CSMD3: variants seen among roughly 807,000 people sequenced by gnomAD.
The protein encoded by CSMD3 is CUB and sushi domain-containing protein 3.
In CSMD3, 177 loss-of-function variants were observed where a neutral mutation model predicts 435.2. The ratio of observed to expected loss-of-function variants is 0.41; its 90% CI spans 0.36 to 0.46. The LOEUF (loss-of-function observed/expected upper bound fraction) is 0.46, where lower values mean the gene tolerates loss of function less well. Ranked by LOEUF, CSMD3 falls within the 20% of genes least tolerant of loss-of-function variation. CSMD3 has a pLI of 0.34. For missense variants in CSMD3, 4,265 were observed against 4,504.6 expected (o/e 0.95, Z 1.52); for synonymous variants, 1,656 against 1,520.5 (o/e 1.09, Z -2.07).
intron 5 of CSMD3, among the ~76,000 whole-genome samples, chr8:113,086,067 A>G (rs1213780034): frequency 2.0e-5 from 3 of 151,886 alleles, no homozygotes; most frequent in Non-Finnish European, 2.9e-5. Flanking sequence ...GAAACCCCAT[A>G]TCTACTAAAA....
intron 3 of CSMD3, among the ~76,000 whole-genome samples, chr8:113,277,374 G>A (rs915816112): frequency 5.9e-5 from 9 of 151,868 alleles, no homozygotes; most frequent in African/African-American, 2.2e-4. Context: ...GTATTAGGTA[G>A]AAAATAATGT....
chr8:113,127,846 T>A (rs2091179553), intron 4 of CSMD3, among the ~76,000 whole-genome samples: 1 of 152,122 alleles, frequency 6.6e-6, no homozygotes, highest in Admixed American at 6.6e-5. Context: ...TCCTCCAATA[T>A]TGCCTCACTT....
intron 11 of CSMD3, among the ~76,000 whole-genome samples, chr8:112,846,040 T>C (rs1468862506): frequency 6.6e-6 from 1 of 151,924 alleles, no homozygotes; most frequent in Non-Finnish European, 1.5e-5. Context: ...ATAATATGAC[T>C]CACTCTATAC....
At chr8:112,536,771 A>C in intron 27 of CSMD3, among the ~76,000 whole-genome samples, 1 of 151,062 alleles carries the variant, frequency 6.6e-6, no homozygotes, top group East Asian at 1.9e-4. Flanking sequence ...AACCAACCCA[A>C]ATGTCCATCA....
chr8:112,524,132 G>A (rs1824601414), intron 27 of CSMD3, among the ~76,000 whole-genome samples: 1 of 151,918 alleles, frequency 6.6e-6, no homozygotes, highest in Non-Finnish European at 1.5e-5. Flanking sequence ...GCTCCAGTAT[G>A]CCTACAAAAG....
Position 112,910,360 on chromosome 8 carries a change from G to A in CSMD3, c.1633+11267C>T, listed in dbSNP as rs566944021. ...CATCCAATTTCATCACAGAACTGCTGGGTTTCTTCCTTCCTCAGATAACTG... is the reference window on the plus strand; with the variant it reads ...CATCCAATTTCATCACAGAACTGCTAGGTTTCTTCCTTCCTCAGATAACTG... On this transcript the variant is annotated intron_variant, in intron 10 of 70. Transcript: ENST00000297405. Among the ~76,000 whole-genome samples, 8 of 151,762 alleles carry A rather than the reference G, an allele frequency of 5.3e-5. No individual in the cohort carries two copies. The South Asian group carries it at 1.2e-3, about 24-fold the overall frequency.
At chr8:113,431,992 TC>T (rs1052510822) in intron 1 of CSMD3, among the ~76,000 whole-genome samples, 12 of 152,340 alleles carry the variant, frequency 7.9e-5, no homozygotes, top group African/African-American at 2.4e-4. Flanking sequence ...AAGCCTTTGC[TC>T]CTGGAGTACT....
chr8:112,694,100 G>T (rs2076199804), intron 13 of CSMD3, among the ~76,000 whole-genome samples: 1 of 150,700 alleles, frequency 6.6e-6, no homozygotes. Context: ...TTAATTTTGT[G>T]AAGGTATCTA....
intron 38 of CSMD3, among the ~76,000 whole-genome samples, chr8:112,370,223 A>G (rs1394689036): frequency 6.6e-6 from 1 of 152,128 alleles, no homozygotes; most frequent in Non-Finnish European, 1.5e-5. Flanking sequence ...TCCAGCAAAT[A>G]TTCATTGAGG....
intron 3 of CSMD3, among the ~76,000 whole-genome samples, chr8:113,202,806 A>C (rs1053428803): frequency 6.6e-6 from 1 of 152,144 alleles, no homozygotes; most frequent in African/African-American, 2.4e-5. Context: ...CTTTATACTA[A>C]CATATAGTAT....
At chr8:112,458,853 G>C (rs538477507) in intron 32 of CSMD3, among the ~76,000 whole-genome samples, 1 of 152,104 alleles carries the variant, frequency 6.6e-6, no homozygotes, top group African/African-American at 2.4e-5. Context: ...GGCTTTGACA[G>C]CAGTTCTCAA....
intron 5 of CSMD3, among the ~76,000 whole-genome samples, chr8:113,040,696 C>T (rs1391198287): frequency 2.0e-5 from 3 of 152,036 alleles, no homozygotes; most frequent in African/African-American, 7.2e-5. Flanking sequence ...AGTGAAAGCT[C>T]AGTGTTGGAG....
At chr8:112,349,354 A>G (rs912840413) in intron 40 of CSMD3, among the ~76,000 whole-genome samples, 1 of 152,066 alleles carries the variant, frequency 6.6e-6, no homozygotes, top group Non-Finnish European at 1.5e-5. Flanking sequence ...CATCAAAAAG[A>G]AAAACATTAC....
intron 10 of CSMD3, among the ~76,000 whole-genome samples, chr8:112,919,323 A>G (rs1444875426): frequency 6.6e-6 from 1 of 151,840 alleles, no homozygotes; most frequent in East Asian, 1.9e-4. Context: ...AAGTCAGTAG[A>G]GAGCTGCTCT....
chr8:112,610,626 G>A (rs1833184006), intron 22 of CSMD3, among the ~76,000 whole-genome samples: 1 of 152,146 alleles, frequency 6.6e-6, no homozygotes, highest in Non-Finnish European at 1.5e-5. Flanking sequence ...TTTTACTAGT[G>A]ATTTTTGAGT....
At chr8:112,463,684 T>A (rs944720488) in intron 32 of CSMD3, among the ~76,000 whole-genome samples, 2 of 152,288 alleles carry the variant, frequency 1.3e-5, no homozygotes, top group African/African-American at 4.8e-5. Context: ...TCTGTGTACT[T>A]TATAATGAAT....
intron 12 of CSMD3, among the ~76,000 whole-genome samples, chr8:112,800,497 T>C (rs2078935435): frequency 6.6e-6 from 1 of 152,064 alleles, no homozygotes; most frequent in Admixed American, 6.6e-5. Context: ...AGATCTTTCA[T>C]GTTCCTGAGG....
At chr8:112,417,349 T>G (rs191194935) in intron 32 of CSMD3, among the ~76,000 whole-genome samples, 2 of 152,278 alleles carry the variant, frequency 1.3e-5, no homozygotes, top group Admixed American at 1.3e-4. Context: ...TAAAAGTACC[T>G]GACCTCCTAG....
intron 13 of CSMD3, 23 bp from the exon 14 acceptor site, chr8:112,690,073 T>A (rs2131825861): frequency 6.2e-7 from 1 of 1,600,982 alleles, no homozygotes; most frequent in African/African-American, 1.3e-5. Context: ...AAGATAAAAG[T>A]CACCTTCCAA....
Sources: gnomAD v4.1 joint callset for allele counts (sites outside exome capture counted in the v4.1 genomes callset) on GRCh38, gnomAD v4.1.1 for gene constraint, MANE v1.5 for transcripts, NCBI Gene and HGNC (gene_info 2026-07-23, HGNC 2026-07-21) for gene names.